CNTN5: variants seen among roughly 807,000 people sequenced by gnomAD.
CNTN5 encodes contactin-5.
CNTN5 carries 77 observed loss-of-function variants against 129.1 expected under a neutral mutation model. The ratio of observed to expected loss-of-function variants is 0.60; its 90% CI spans 0.50 to 0.72. CNTN5 has a LOEUF of 0.72. Ranked by LOEUF, CNTN5 falls within the 30% of genes least tolerant of loss-of-function variation. CNTN5 has a pLI of 0.00. For synonymous variants in CNTN5, 509 were observed against 465.6 expected (o/e 1.09, Z -1.20); for missense variants, 1,478 against 1,328.8 (o/e 1.11, Z -1.75).
intron 16 of CNTN5, among the ~76,000 whole-genome samples, chr11:100,237,481 T>A (rs1237903569): frequency 6.6e-6 from 1 of 152,216 alleles, no homozygotes; most frequent in Non-Finnish European, 1.5e-5. Flanking sequence ...GAGGAAGGAC[T>A]AGCGTTAATT....
At chr11:100,168,603 T>C (rs1476230752) in intron 13 of CNTN5, among the ~76,000 whole-genome samples, 1 of 151,968 alleles carries the variant, frequency 6.6e-6, no homozygotes, top group Non-Finnish European at 1.5e-5. Flanking sequence ...ATGTTACCAC[T>C]CATTGACAAT....
chr11:99,899,855 G>T (rs998492376), intron 6 of CNTN5, among the ~76,000 whole-genome samples: 3 of 151,862 alleles, frequency 2.0e-5, no homozygotes, highest in Non-Finnish European at 4.4e-5. Flanking sequence ...AATTCATGTG[G>T]TACTAGGCTT....
chr11:99,830,213 A>G (rs1227671890), intron 4 of CNTN5, among the ~76,000 whole-genome samples: 1 of 152,038 alleles, frequency 6.6e-6, no homozygotes, highest in Non-Finnish European at 1.5e-5. Context: ...AGAGGAAGCA[A>G]ATTATTTTTC....
intron 1 of CNTN5, among the ~76,000 whole-genome samples, chr11:99,113,711 A>G (rs1857907609): frequency 2.0e-5 from 3 of 152,150 alleles, no homozygotes; most frequent in African/African-American, 4.8e-5. Context: ...ATTTTCTACC[A>G]TAACTCTAGC....
intron 6 of CNTN5, among the ~76,000 whole-genome samples, chr11:99,887,991 A>G (rs946909193): frequency 1.3e-5 from 2 of 152,126 alleles, no homozygotes; most frequent in Non-Finnish European, 2.9e-5. Flanking sequence ...AGTCAAGTTG[A>G]CACTCAGTAT....
intron 17 of CNTN5, among the ~76,000 whole-genome samples, chr11:100,261,949 G>A (rs988437616): frequency 1.4e-4 from 21 of 152,062 alleles, no homozygotes; most frequent in African/African-American, 4.6e-4. Flanking sequence ...TTGGAAAATG[G>A]GATCTAATTA....
rs61174561 is a variant in CNTN5, at chr11:99,636,384, CTT to C, written c.55+80123_55+80124del. Among the ~76,000 whole-genome samples the C allele has an allele frequency of 9.6e-4, 144 of 150,046 alleles. 1 individual carries two copies. Among genetic ancestry groups the C allele is most frequent in the African/African-American group, 3.4e-3 (138 of 40,716 alleles). On this transcript the variant is annotated intron_variant, in intron 3 of 24. Transcript: ENST00000524871. Reference sequence around the variant, plus strand: ...AATCAAATGAGTTCTTTTTTTTTTTCTTTTTTTTTGTTGTTGTTGTTTGCAAT... The same window carrying C: ...AATCAAATGAGTTCTTTTTTTTTTTCTTTTTTTGTTGTTGTTGTTTGCAAT...
intron 13 of CNTN5, among the ~76,000 whole-genome samples, chr11:100,099,173 C>G (rs761681289): frequency 3.2e-4 from 49 of 152,006 alleles, no homozygotes; most frequent in Admixed American, 1.3e-4. Context: ...AACATAAAAA[C>G]AGTGAGGCCC....
chr11:99,111,930 T>C (rs1015994304), intron 1 of CNTN5, among the ~76,000 whole-genome samples: 1 of 152,146 alleles, frequency 6.6e-6, no homozygotes, highest in East Asian at 1.9e-4. Context: ...AGCAAAAATA[T>C]TCACCTATGC....
chr11:99,972,966 T>C (rs1937678295), intron 8 of CNTN5, among the ~76,000 whole-genome samples: 1 of 150,764 alleles, frequency 6.6e-6, no homozygotes, highest in Admixed American at 6.6e-5. Context: ...TGAGAACTAA[T>C]CATTACTTGC....
At chr11:99,577,291 T>A (rs1240233946) in intron 3 of CNTN5, among the ~76,000 whole-genome samples, 1 of 152,198 alleles carries the variant, frequency 6.6e-6, no homozygotes, top group Non-Finnish European at 1.5e-5. Flanking sequence ...ATTACAGAGA[T>A]TCTTGCCCCC....
intron 3 of CNTN5, among the ~76,000 whole-genome samples, chr11:99,619,805 T>G (rs1950875092): frequency 6.6e-6 from 1 of 151,842 alleles, no homozygotes; most frequent in Non-Finnish European, 1.5e-5. Flanking sequence ...GGCGGGCGGA[T>G]CACAAGGTCA....
At chr11:99,684,149 T>C (rs1175719310) in intron 3 of CNTN5, among the ~76,000 whole-genome samples, 2 of 151,806 alleles carry the variant, frequency 1.3e-5, no homozygotes, top group Non-Finnish European at 2.9e-5. Context: ...TGAGTTTGAC[T>C]TCTTTAGATT....
At chr11:99,099,333 A>G (rs1866614726) in intron 1 of CNTN5, among the ~76,000 whole-genome samples, 1 of 152,084 alleles carries the variant, frequency 6.6e-6, no homozygotes, top group South Asian at 2.1e-4. Flanking sequence ...CCTTGACTAT[A>G]CTCCACAAAT....
At chr11:99,701,952 T>C (rs1954540597) in intron 3 of CNTN5, among the ~76,000 whole-genome samples, 1 of 151,072 alleles carries the variant, frequency 6.6e-6, no homozygotes. Context: ...CATTCCAAAT[T>C]GCTTAATACC....
intron 18 of CNTN5, among the ~76,000 whole-genome samples, chr11:100,296,685 T>C (rs1402379742): frequency 6.6e-6 from 1 of 151,596 alleles, no homozygotes; most frequent in Non-Finnish European, 1.5e-5. Flanking sequence ...GAATTTGTTT[T>C]CTTCCTTTCC....
rs973336582 is a variant in CNTN5, at chr11:99,481,392, T to C, written c.-70-74753T>C. 2.0e-5 allele frequency among the ~76,000 whole-genome samples: 3 copies of C among 152,300 alleles called. No individual in the cohort carries two copies. In the South Asian group the frequency reaches 6.2e-4, roughly 32 times the overall value. On this transcript the variant is annotated intron_variant, in intron 2 of 24. Transcript: ENST00000524871. ...TAGAGTGCTCTATTTTCTGAGCCTCTAATAATTTTGTTTTTGTTCTGTTTT... is the reference window on the plus strand; with the variant it reads ...TAGAGTGCTCTATTTTCTGAGCCTCCAATAATTTTGTTTTTGTTCTGTTTT...
intron 2 of CNTN5, among the ~76,000 whole-genome samples, chr11:99,455,405 G>C (rs1944459720): frequency 6.6e-6 from 1 of 151,216 alleles, no homozygotes. Context: ...GAATGTATGA[G>C]TGATAAAGAT....
rs1945722228 is a variant in CNTN5, at chr11:99,791,005, G to A, written c.56-28539G>A. On this transcript the variant is annotated intron_variant, in intron 3 of 24. Transcript: ENST00000524871. ...CCTTTGCCCACCTTTTAATGGGGTTGTTACTGCTTATTACTTTTTCAGTTT... is the reference window on the plus strand; with the variant it reads ...CCTTTGCCCACCTTTTAATGGGGTTATTACTGCTTATTACTTTTTCAGTTT... Among the ~76,000 whole-genome samples, 3 of 151,850 alleles carry A rather than the reference G, an allele frequency of 2.0e-5. No individual in the cohort carries two copies. The South Asian group carries it at 6.2e-4, about 31-fold the overall frequency.
Sources: allele counts gnomAD v4.1 joint callset (sites outside exome capture counted in the v4.1 genomes callset), GRCh38; gene constraint gnomAD v4.1.1; transcripts MANE v1.5; gene names NCBI Gene and HGNC (gene_info 2026-07-23, HGNC 2026-07-21).